Variants in RGS6 observed in about 807,000 individuals in gnomAD.
RGS6 encodes regulator of G-protein signaling 6.
Under a neutral mutation model 78.5 loss-of-function variants are expected in RGS6, and 30 were observed. The observed-to-expected ratio is 0.38, with a 90% CI of 0.29 to 0.52. The LOEUF is 0.52. Ranked by LOEUF, RGS6 falls within the 20% of genes least tolerant of loss-of-function variation. The pLI, the probability that RGS6 is intolerant of heterozygous loss-of-function variation, is 0.85. For missense variants in RGS6, 495 were observed against 609.7 expected (o/e 0.81, Z 1.98); for synonymous variants, 206 against 206.0 (o/e 1.00, Z 0.00).
At chr14:72,382,574 G>A (rs952332233) in intron 3 of RGS6, among the ~76,000 whole-genome samples, 2 of 152,054 alleles carry the variant, frequency 1.3e-5, no homozygotes, top group South Asian at 4.1e-4. Flanking sequence ...TTTATGACTT[G>A]GCATCTCCAC....
At chr14:72,107,598 A>G (rs533926433) in intron 2 of RGS6, among the ~76,000 whole-genome samples, 5 of 152,292 alleles carry the variant, frequency 3.3e-5, no homozygotes, top group African/African-American at 1.2e-4. Context: ...AAACTGGGAA[A>G]TATCCACTTC....
chr14:71,925,276 G>A, the RGS6 span, among the ~76,000 whole-genome samples: 2 of 152,152 alleles, frequency 1.3e-5, no homozygotes, highest in African/African-American at 4.8e-5. Context: ...TCTTGCGATT[G>A]AATTGAGTTC....
At chr14:72,148,489 A>G (rs984797245) in intron 2 of RGS6, among the ~76,000 whole-genome samples, 1 of 152,232 alleles carries the variant, frequency 6.6e-6, no homozygotes, top group South Asian at 2.1e-4. Flanking sequence ...TGTGGTTTGC[A>G]AAGATTGCTT....
intron 2 of RGS6, among the ~76,000 whole-genome samples, chr14:72,053,079 C>CCCTCCCTTCCCTCCCTTCCTT (rs2093415805): frequency 1.2e-4 from 2 of 17,028 alleles, no homozygotes; most frequent in African/African-American, 6.8e-4. Flanking sequence ...CTCCCTCCCT[C>CCCTCCCTTCCCTCCCTTCCTT]CCTTCCTTCC....
intron 4 of RGS6, among the ~76,000 whole-genome samples, chr14:72,454,906 C>T (rs564298743): frequency 1.3e-5 from 2 of 152,310 alleles, no homozygotes; most frequent in South Asian, 4.1e-4. Context: ...CTTCTAGAGC[C>T]AGCTCTTAAA....
chr14:72,307,541 A>T (rs117876274), intron 2 of RGS6, among the ~76,000 whole-genome samples: 11 of 152,304 alleles, frequency 7.2e-5, no homozygotes. Context: ...TTCCATTAAC[A>T]TACAATGTCA....
At chr14:72,060,834 T>C (rs895027447) in intron 2 of RGS6, among the ~76,000 whole-genome samples, 5 of 152,198 alleles carry the variant, frequency 3.3e-5, no homozygotes, top group Non-Finnish European at 5.9e-5. Flanking sequence ...TTACTTTTAA[T>C]TTTTTTAGCA....
intron 3 of RGS6, among the ~76,000 whole-genome samples, chr14:72,372,736 G>GGTGATGAT (rs1169690723): frequency 7.2e-5 from 11 of 152,150 alleles, no homozygotes; most frequent in Non-Finnish European, 1.5e-4. Flanking sequence ...GGAAATCACT[G>GGTGATGAT]GTGATGATTA....
intron 2 of RGS6, among the ~76,000 whole-genome samples, chr14:72,103,778 T>G (rs1291448813): frequency 6.6e-6 from 1 of 152,162 alleles, no homozygotes; most frequent in East Asian, 1.9e-4. Flanking sequence ...GACTCAGAAA[T>G]GACACATCGT....
the RGS6 span, among the ~76,000 whole-genome samples, chr14:72,614,348 A>G: frequency 6.6e-6 from 1 of 152,216 alleles, no homozygotes; most frequent in Non-Finnish European, 1.5e-5. Flanking sequence ...TTCACCTGGT[A>G]TCCAAAAGCA....
chr14:72,186,071 A>G (rs1489608811), intron 2 of RGS6, among the ~76,000 whole-genome samples: 1 of 152,244 alleles, frequency 6.6e-6, no homozygotes, highest in Non-Finnish European at 1.5e-5. Flanking sequence ...GGTGATTGCC[A>G]TATCTAGGCA....
At chr14:72,248,536 T>C (rs2054820008) in intron 2 of RGS6, among the ~76,000 whole-genome samples, 1 of 152,208 alleles carries the variant, frequency 6.6e-6, no homozygotes, top group South Asian at 2.1e-4. Flanking sequence ...CTTGAGGCCC[T>C]CAATAAGAGT....
At chr14:72,387,130 C>T (rs2088357303) in intron 3 of RGS6, among the ~76,000 whole-genome samples, 1 of 151,942 alleles carries the variant, frequency 6.6e-6, no homozygotes, top group African/African-American at 2.4e-5. Context: ...TTGTAATATA[C>T]ATATTAATAC....
At chr14:72,038,920 G>T (rs902134656) in intron 2 of RGS6, among the ~76,000 whole-genome samples, 10 of 152,012 alleles carry the variant, frequency 6.6e-5, no homozygotes, top group African/African-American at 2.4e-4. Context: ...TTGCCTGATT[G>T]CTCTGGCTTG....
chr14:72,130,134 A>G (rs1349577856), intron 2 of RGS6, among the ~76,000 whole-genome samples: 1 of 152,220 alleles, frequency 6.6e-6, no homozygotes, highest in African/African-American at 2.4e-5. Context: ...GGAAAGTGCT[A>G]TACTTACAAT....
At chr14:72,390,796 T>C (rs759075982) in intron 3 of RGS6, among the ~76,000 whole-genome samples, 41 of 152,108 alleles carry the variant, frequency 2.7e-4, no homozygotes, top group Non-Finnish European at 4.9e-4. Flanking sequence ...CTCAGAGAGA[T>C]TGGTTAGGTG....
At position 72,063,076 on chromosome 14, in the gene RGS6, G is replaced by A. The variant is rs574942317; in HGVS notation, c.84+98201G>A. Among the ~76,000 whole-genome samples, 84 of 152,214 alleles carry A rather than the reference G, an allele frequency of 5.5e-4. 1 individual carries two copies. Among genetic ancestry groups the A allele is most frequent in the Non-Finnish European group, 1.1e-3 (76 of 68,012 alleles). The stretch of plus-strand genomic sequence containing the variant: ...TGGCCTCAAGTGATCTGCCCGCCTC[G>A]GCCTCCAAAGTGCTGAGATTACAAT... On this transcript the variant is annotated intron_variant, in intron 2 of 17. Transcript: ENST00000553525.
At chr14:72,156,281 C>G (rs539165356) in intron 2 of RGS6, among the ~76,000 whole-genome samples, 7 of 152,054 alleles carry the variant, frequency 4.6e-5, no homozygotes, top group African/African-American at 1.7e-4. Context: ...CTTGTCTCTA[C>G]TAAAGATACA....
At chr14:72,236,207 TC>T (rs1017455819) in intron 2 of RGS6, among the ~76,000 whole-genome samples, 2 of 152,140 alleles carry the variant, frequency 1.3e-5, no homozygotes, top group Non-Finnish European at 2.9e-5. Context: ...GTTCAGTGGG[TC>T]CCCTGCACCC....
Sources: allele counts gnomAD v4.1 joint callset (sites outside exome capture counted in the v4.1 genomes callset), GRCh38; gene constraint gnomAD v4.1.1; transcripts MANE v1.5; gene names NCBI Gene and HGNC (gene_info 2026-07-23, HGNC 2026-07-21).